Variants in GALNT13 observed in about 807,000 individuals in gnomAD.
GALNT13 encodes the protein UDP-GalNAc:polypeptide N-acetylgalactosaminyltransferase 13.
Under a neutral mutation model 64.2 loss-of-function variants are expected in GALNT13, and 28 were observed. That is an observed-to-expected ratio of 0.44 (90% CI 0.32 to 0.60). The LOEUF (loss-of-function observed/expected upper bound fraction) is 0.60. GALNT13 is among the 20% of genes least tolerant of loss of function. The pLI is 0.05. For missense variants in GALNT13, 577 were observed against 669.8 expected (o/e 0.86, Z 1.53); for synonymous variants, 214 against 224.6 (o/e 0.95, Z 0.42).
chr2:153,947,571 C>T (rs566086353), intron 3 of GALNT13, among the ~76,000 whole-genome samples: 1 of 151,222 alleles, frequency 6.6e-6, no homozygotes, highest in Admixed American at 6.6e-5. Context: ...CTTATAGATG[C>T]AGGATATTAG....
the GALNT13 span, among the ~76,000 whole-genome samples, chr2:153,806,612 T>C: frequency 6.7e-6 from 1 of 149,920 alleles, no homozygotes; most frequent in Middle Eastern, 3.4e-3. Flanking sequence ...GAAATCAATA[T>C]CATTATCATG....
At chr2:154,271,577 A>G (rs912067195) in intron 8 of GALNT13, among the ~76,000 whole-genome samples, 5 of 151,944 alleles carry the variant, frequency 3.3e-5, no homozygotes, top group African/African-American at 1.2e-4. Context: ...GCCCTCTTGC[A>G]TTAATAACAT....
the GALNT13 span, among the ~76,000 whole-genome samples, chr2:153,680,594 G>A: frequency 6.6e-6 from 1 of 151,842 alleles, no homozygotes; most frequent in Non-Finnish European, 1.5e-5. Flanking sequence ...CCCATAGGCT[G>A]TCATAAACTT....
At chr2:153,827,419 C>T in the GALNT13 span, among the ~76,000 whole-genome samples, 10 of 152,196 alleles carry the variant, frequency 6.6e-5, no homozygotes, top group East Asian at 3.9e-4. Context: ...GTCAGGAGAT[C>T]GAGACCATCC....
At chr2:153,534,370 A>T in the GALNT13 span, among the ~76,000 whole-genome samples, 2 of 151,688 alleles carry the variant, frequency 1.3e-5, no homozygotes, top group Non-Finnish European at 2.9e-5. Context: ...TAGGCCTATG[A>T]CTCTGGACTA....
intron 3 of GALNT13, among the ~76,000 whole-genome samples, chr2:153,996,908 A>G (rs1695558642): frequency 6.6e-6 from 1 of 151,858 alleles, no homozygotes; most frequent in African/African-American, 2.4e-5. Flanking sequence ...CCTGGGACCA[A>G]TTTTCTTTAA....
the GALNT13 span, among the ~76,000 whole-genome samples, chr2:153,516,425 A>G: frequency 6.6e-6 from 1 of 152,154 alleles, no homozygotes; most frequent in Non-Finnish European, 1.5e-5. Flanking sequence ...ACAGCTAGGA[A>G]TGGGAGAGGA....
At chr2:154,168,298 G>A (rs1279488065) in intron 4 of GALNT13, among the ~76,000 whole-genome samples, 4 of 152,102 alleles carry the variant, frequency 2.6e-5, no homozygotes, top group Non-Finnish European at 5.9e-5. Context: ...AAATTCAAAG[G>A]CATCCTACCG....
At chr2:153,554,078 A>T in the GALNT13 span, among the ~76,000 whole-genome samples, 1 of 151,786 alleles carries the variant, frequency 6.6e-6, no homozygotes, top group Non-Finnish European at 1.5e-5. Flanking sequence ...GCTCTTTGGG[A>T]GGCCAAGGTG....
At chr2:153,277,923 CTTTCTT>C in the GALNT13 span, among the ~76,000 whole-genome samples, 1 of 78,954 alleles carries the variant, frequency 1.3e-5, no homozygotes, top group Non-Finnish European at 2.3e-5. Context: ...GTTTTCTTTT[CTTTCTT>C]TTTTTTTTTT....
chr2:153,913,803 A>G (rs890089291), intron 2 of GALNT13, among the ~76,000 whole-genome samples: 1 of 151,858 alleles, frequency 6.6e-6, no homozygotes, highest in African/African-American at 2.4e-5. Context: ...TCTTCCCTCC[A>G]TCTGTTCTCA....
the GALNT13 span, among the ~76,000 whole-genome samples, chr2:153,347,464 A>C: frequency 1.3e-5 from 2 of 152,332 alleles, no homozygotes; most frequent in East Asian, 3.9e-4. Context: ...CAACTGTAAG[A>C]CATTAAAACC....
chr2:154,043,414 TTA>T (rs1179722579), intron 3 of GALNT13, among the ~76,000 whole-genome samples: 4,056 of 77,606 alleles, frequency 0.052, 124 homozygotes, highest in Admixed American at 0.16. Context: ...ATAAGGACTT[TTA>T]TATATATATA....
upstream of GALNT13, among the ~76,000 whole-genome samples, chr2:153,870,712 G>A (rs1224894932): frequency 1.3e-5 from 2 of 150,712 alleles, no homozygotes; most frequent in Non-Finnish European, 2.9e-5. Flanking sequence ...CCTTTCATGA[G>A]TATAATCAAG....
the GALNT13 span, among the ~76,000 whole-genome samples, chr2:153,277,923 CTTTCTTT>C: frequency 5.1e-5 from 4 of 78,954 alleles, no homozygotes; most frequent in South Asian, 3.5e-4. Context: ...GTTTTCTTTT[CTTTCTTT>C]TTTTTTTTTT....
chr2:153,300,550 TTTTGG>T, the GALNT13 span, among the ~76,000 whole-genome samples: 1 of 152,154 alleles, frequency 6.6e-6, no homozygotes, highest in African/African-American at 2.4e-5. Flanking sequence ...ATATTTTGAG[TTTTGG>T]TTAAAATTCT....
chr2:154,069,648 T>C (rs1700643973), intron 3 of GALNT13, among the ~76,000 whole-genome samples: 2 of 151,984 alleles, frequency 1.3e-5, no homozygotes, highest in South Asian at 4.1e-4. Flanking sequence ...AGAATGCATA[T>C]TACCAGTTTT....
At chr2:153,073,490 A>G in the GALNT13 span, among the ~76,000 whole-genome samples, 4,377 of 152,122 alleles carry the variant, frequency 0.029, 225 homozygotes, top group African/African-American at 0.1. Context: ...GCAAAATGAA[A>G]GAATAATAAA....
At chr2:154,416,288 G>A (rs1284203379) in intron 11 of GALNT13, among the ~76,000 whole-genome samples, 1 of 152,044 alleles carries the variant, frequency 6.6e-6, no homozygotes, top group African/African-American at 2.4e-5. Context: ...CAGCAGATTT[G>A]GTGTCTGATG....
Sources: gnomAD v4.1 joint callset for allele counts (sites outside exome capture counted in the v4.1 genomes callset) on GRCh38, gnomAD v4.1.1 for gene constraint, MANE v1.5 for transcripts, NCBI Gene and HGNC (gene_info 2026-07-23, HGNC 2026-07-21) for gene names.